Variants in FRMD4A observed in about 807,000 individuals in gnomAD.
FRMD4A encodes FERM domain-containing protein 4A.
In FRMD4A, 29 loss-of-function variants were observed where a neutral mutation model predicts 129.1. That is an observed-to-expected ratio of 0.22 (90% CI 0.17 to 0.31). The LOEUF is 0.31. Among genes scored for constraint, FRMD4A ranks in the 10% least tolerant of loss-of-function variants. The pLI, the probability that FRMD4A is intolerant of heterozygous loss-of-function variation, is 1.00. For synonymous variants in FRMD4A, 634 were observed against 571.6 expected (o/e 1.11, Z -1.56); for missense variants, 1,272 against 1,375.8 (o/e 0.92, Z 1.19).
intron 3 of FRMD4A, among the ~76,000 whole-genome samples, chr10:13,853,824 T>TTTGTCCCCCACCTGCATTTATAAAGC (rs2094173385): frequency 9.5e-6 from 1 of 104,994 alleles, no homozygotes; most frequent in Non-Finnish European, 1.8e-5. Flanking sequence ...AGAGCAAGAC[T>TTTGTCCCCCACCTGCATTTATAAAGC]CTCTCAAAAA....
chr10:13,701,109 T>C (rs564871498), intron 14 of FRMD4A, among the ~76,000 whole-genome samples: 1 of 152,274 alleles, frequency 6.6e-6, no homozygotes, highest in Admixed American at 6.5e-5. Context: ...GTCAGCGGCT[T>C]GAGCGGCTCT....
intron 2 of FRMD4A, among the ~76,000 whole-genome samples, chr10:14,251,524 C>A (rs983837185): frequency 6.6e-6 from 1 of 152,176 alleles, no homozygotes; most frequent in South Asian, 2.1e-4. Context: ...CTAAGCTGCA[C>A]CCAATTTCCC....
At chr10:13,649,208 G>C (rs929752718) in intron 24 of FRMD4A, 1 of 152,210 alleles carries the variant, frequency 6.6e-6, no homozygotes, top group Admixed American at 6.5e-5. Flanking sequence ...AACATAATCT[G>C]CTTCAGAGGG....
At position 14,202,609 on chromosome 10, in the gene FRMD4A, C is replaced by T. The variant is rs1288620241; in HGVS notation, c.45+127449G>A. Among the ~76,000 whole-genome samples, 3 of 152,120 alleles carry T rather than the reference C, an allele frequency of 2.0e-5. No homozygotes were observed. In the East Asian group the frequency reaches 5.8e-4, roughly 29 times the overall value. On this transcript the variant is annotated intron_variant, in intron 2 of 24. Coordinates refer to ENST00000357447, the MANE Select transcript of FRMD4A (RefSeq NM_018027.5). ...AGAGACGGGGTTTCACCATATTGGC[C>T]AGGCTGGTCTCGAACTCCTGACCTC...
chr10:13,666,061 T>G, intron 18 of FRMD4A, 36 bp downstream of exon 18: 2 of 1,311,182 alleles, frequency 1.5e-6, no homozygotes, highest in Non-Finnish European at 2.2e-6. Context: ...GGCCCGGGCG[T>G]GGGAGTGGGG....
chr10:13,840,229 G>A (rs1329560649), intron 3 of FRMD4A, among the ~76,000 whole-genome samples: 1 of 152,166 alleles, frequency 6.6e-6, no homozygotes, highest in Non-Finnish European at 1.5e-5. Flanking sequence ...GGGTGGGACT[G>A]AGTCCTTATA....
intron 2 of FRMD4A, among the ~76,000 whole-genome samples, chr10:13,967,316 G>A (rs1218925678): frequency 1.3e-5 from 2 of 152,010 alleles, no homozygotes; most frequent in Non-Finnish European, 2.9e-5. Flanking sequence ...CAGCCTGGGC[G>A]ACAGAGCGAG....
At chr10:14,184,554 A>T (rs546874791) in intron 2 of FRMD4A, among the ~76,000 whole-genome samples, 3 of 152,122 alleles carry the variant, frequency 2.0e-5, no homozygotes, top group East Asian at 3.9e-4. Flanking sequence ...TTGTTGTTCC[A>T]ATTTAAGGGA....
At chr10:14,129,624 A>G (rs1334479752) in intron 2 of FRMD4A, among the ~76,000 whole-genome samples, 5 of 151,902 alleles carry the variant, frequency 3.3e-5, no homozygotes, top group African/African-American at 9.7e-5. Context: ...CACTCTGGGA[A>G]CAAAGGTCAT....
In FRMD4A at chr10:13,651,915, G is replaced by C. The variant is rs773696562; in HGVS notation, c.3110C>G (p.Thr1037Ser). 7.0e-6 allele frequency: 11 copies of C among 1,564,654 alleles called. No individual in the cohort carries two copies. In the East Asian group the frequency reaches 2.0e-4, roughly 29 times the overall value. The change falls in exon 24 of 25, where the codon ACT (threonine) becomes AGT (serine). Residue 1037 changes from threonine to serine, a missense_variant. Thr to Ser is a moderately conservative substitution (Grantham distance 58, BLOSUM62 1). This residue lies in a region of FRMD4A where 972 missense variants were observed against 892.3 expected (regional missense o/e 1.09). Transcript: ENST00000357447. ...CCCCTTACGGTACCTCTATTCATCA[G>C]TACTTTGGTGAGGTGGAGACTCAGA... is the stretch of plus-strand genomic sequence containing the variant. ...DGSESPPHQS[T>S]DE
chr10:13,854,016 A>G (rs1241973953), intron 3 of FRMD4A, among the ~76,000 whole-genome samples: 1 of 152,030 alleles, frequency 6.6e-6, no homozygotes, highest in African/African-American at 2.4e-5. Context: ...CACAAGCCTC[A>G]AGAGAACCAA....
At chr10:14,109,986 C>T (rs1837803021) in intron 2 of FRMD4A, among the ~76,000 whole-genome samples, 1 of 141,168 alleles carries the variant, frequency 7.1e-6, no homozygotes, top group South Asian at 2.2e-4. Flanking sequence ...CCCAAACCCA[C>T]CAAAAAAAAA....
chr10:13,971,042 C>T (rs145485455), intron 2 of FRMD4A, among the ~76,000 whole-genome samples: 1,971 of 152,284 alleles, frequency 0.013, 36 homozygotes, highest in African/African-American at 0.032. Context: ...CCACATTCCC[C>T]TTACCAGCTT....
intron 2 of FRMD4A, among the ~76,000 whole-genome samples, chr10:13,946,374 C>T (rs574335410): frequency 6.6e-5 from 10 of 152,178 alleles, no homozygotes; most frequent in Non-Finnish European, 1.5e-4. Flanking sequence ...AGTCAGCGAA[C>T]GCTAGAGACT....
chr10:14,073,718 G>C (rs1308115032), intron 2 of FRMD4A, among the ~76,000 whole-genome samples: 1 of 152,156 alleles, frequency 6.6e-6, no homozygotes, highest in Non-Finnish European at 1.5e-5. Context: ...CCACCACCGG[G>C]ATCCTGTTGT....
At chr10:14,178,050 C>T (rs1841792391) in intron 2 of FRMD4A, among the ~76,000 whole-genome samples, 1 of 152,162 alleles carries the variant, frequency 6.6e-6, no homozygotes, top group Non-Finnish European at 1.5e-5. Flanking sequence ...ACACAATTCC[C>T]TTACCCCCTG....
intron 2 of FRMD4A, among the ~76,000 whole-genome samples, chr10:14,237,919 T>C (rs1420577670): frequency 1.3e-5 from 2 of 152,214 alleles, no homozygotes; most frequent in African/African-American, 2.4e-5. Context: ...TGTTTTCTCA[T>C]CTGCTTTCAG....
In FRMD4A at chr10:13,683,164, C is replaced by T. The variant is rs146732503; in HGVS notation, c.1118-8120G>A. Among the ~76,000 whole-genome samples, 46 of 152,198 alleles carry T rather than the reference C, an allele frequency of 3.0e-4. No homozygotes were observed. In the East Asian group the frequency reaches 8.1e-3, roughly 27 times the overall value. The stretch of plus-strand genomic sequence containing the variant: ...CTCCCATGTAGCTGGGATTACAGCG[C>T]GCCACAACGCCCGACTAATAGAAGC... On this transcript the variant is annotated intron_variant, in intron 15 of 24. Transcript: ENST00000357447.
chr10:14,200,156 G>A (rs750331714), intron 2 of FRMD4A, among the ~76,000 whole-genome samples: 1 of 150,154 alleles, frequency 6.7e-6, no homozygotes, highest in Non-Finnish European at 1.5e-5. Context: ...GCTTCCCGCA[G>A]TGTTGGGATT....
Sources: allele counts gnomAD v4.1 joint callset (sites outside exome capture counted in the v4.1 genomes callset), GRCh38; gene constraint gnomAD v4.1.1; regional missense constraint gnomAD v4.1.1; transcripts MANE v1.5; gene names NCBI Gene and HGNC (gene_info 2026-07-23, HGNC 2026-07-21).